The following TNNI3K variants were observed in gnomAD, a reference collection of about 807,000 sequenced individuals.
TNNI3K encodes serine/threonine-protein kinase TNNI3K.
A neutral mutation model predicts 114.5 loss-of-function variants in TNNI3K; 140 were observed. That is an observed-to-expected ratio of 1.22 (90% CI 1.07 to 1.41). The LOEUF is 1.41. TNNI3K is among the 40% of genes most tolerant of loss of function. The pLI is 0.00. For missense variants in TNNI3K, 1,125 were observed against 1,007.6 expected (o/e 1.12, Z -1.58); for synonymous variants, 347 against 347.5 (o/e 1.00, Z 0.02).
chr1:74,276,589 T>C (rs754279717), intron 5 of TNNI3K, among the ~76,000 whole-genome samples: 3 of 152,120 alleles, frequency 2.0e-5, no homozygotes, highest in Non-Finnish European at 4.4e-5. Flanking sequence ...CACTCCTATT[T>C]TTTATTATCA....
At position 74,518,591 on chromosome 1, in the gene TNNI3K, T is replaced by C. The variant is rs374370433; in HGVS notation, c.2352-21643T>C. 5.9e-5 allele frequency among the ~76,000 whole-genome samples: 9 copies of C among 152,254 alleles called. No homozygotes were observed. The East Asian group carries it at 1.4e-3, about 23-fold the overall frequency. ...TACTAATCGTGACGAAGCTTATGGTTCCCGTGTTTCACCTGATGCCTGCCT... is the reference window on the plus strand; with the variant it reads ...TACTAATCGTGACGAAGCTTATGGTCCCCGTGTTTCACCTGATGCCTGCCT... On this transcript the variant is annotated intron_variant, in intron 23 of 24. Coordinates refer to ENST00000326637, the MANE Select transcript of TNNI3K (RefSeq NM_015978.3).
chr1:74,312,364 G>A (rs1659041586), intron 5 of TNNI3K, among the ~76,000 whole-genome samples: 1 of 152,128 alleles, frequency 6.6e-6, no homozygotes, highest in East Asian at 1.9e-4. Context: ...GGCTGGTTTG[G>A]GTCCAGGGCA....
chr1:74,458,646 G>T (rs1046608427), intron 20 of TNNI3K, among the ~76,000 whole-genome samples: 3 of 152,098 alleles, frequency 2.0e-5, no homozygotes, highest in African/African-American at 7.2e-5. Flanking sequence ...GATATTTATT[G>T]CTGTTAAGCT....
chr1:74,373,028 A>G (rs1049336120), intron 17 of TNNI3K: 4 of 151,982 alleles, frequency 2.6e-5, no homozygotes, highest in East Asian at 3.9e-4. Flanking sequence ...ACTATTTTCT[A>G]TCAATCTTTA....
intron 17 of TNNI3K, chr1:74,373,786 C>G (rs2100531410): frequency 6.6e-6 from 1 of 151,810 alleles, no homozygotes; most frequent in South Asian, 2.1e-4. Context: ...GTGGTTGTTG[C>G]AATTGTTTGA....
chr1:74,414,215 A>G (rs1170762817), intron 17 of TNNI3K, among the ~76,000 whole-genome samples: 2 of 152,194 alleles, frequency 1.3e-5, no homozygotes, highest in Non-Finnish European at 2.9e-5. Flanking sequence ...TGGTTAGTTT[A>G]CAATTTTGAT....
chr1:74,262,073 C>A (rs1343121289), intron 4 of TNNI3K, among the ~76,000 whole-genome samples: 3 of 151,656 alleles, frequency 2.0e-5, no homozygotes, highest in East Asian at 1.9e-4. Context: ...TTTTTTCCTC[C>A]TTAGCACATA....
intron 2 of TNNI3K, among the ~76,000 whole-genome samples, chr1:74,245,850 C>T (rs1004561475): frequency 2.0e-5 from 3 of 152,164 alleles, no homozygotes; most frequent in African/African-American, 4.8e-5. Flanking sequence ...TTTTTACCCT[C>T]CTACCCTTCT....
chr1:74,252,897 G>T (rs548787639), intron 4 of TNNI3K, among the ~76,000 whole-genome samples: 1 of 152,196 alleles, frequency 6.6e-6, no homozygotes, highest in Non-Finnish European at 1.5e-5. Context: ...CACCCGAGTG[G>T]GTTGCCACTG....
chr1:74,282,264 C>G (rs933426166), intron 5 of TNNI3K, among the ~76,000 whole-genome samples: 4 of 152,060 alleles, frequency 2.6e-5, no homozygotes, highest in African/African-American at 7.2e-5. Context: ...CATGGCCCAT[C>G]TGCTACTTAT....
chr1:74,419,444 C>A (rs1665287762), intron 17 of TNNI3K, among the ~76,000 whole-genome samples: 1 of 152,100 alleles, frequency 6.6e-6, no homozygotes. Context: ...GGCCACCATT[C>A]AACTTACTAC....
intron 17 of TNNI3K, chr1:74,416,436 G>C: frequency 1.0e-6 from 1 of 961,260 alleles, no homozygotes; most frequent in Non-Finnish European, 1.2e-6. Context: ...GCGTGACATA[G>C]TTTGGGGTGC....
At chr1:74,419,152 T>C (rs1262103062) in intron 17 of TNNI3K, among the ~76,000 whole-genome samples, 1 of 152,034 alleles carries the variant, frequency 6.6e-6, no homozygotes, top group Non-Finnish European at 1.5e-5. Context: ...GTCTAGAGGC[T>C]CTAGGGAAAA....
intron 20 of TNNI3K, among the ~76,000 whole-genome samples, chr1:74,461,562 A>C (rs527318832): frequency 1.3e-5 from 2 of 152,292 alleles, no homozygotes; most frequent in South Asian, 4.1e-4. Context: ...CACATTTAAT[A>C]AGTAGTGACA....
chr1:74,522,387 G>A (rs768904596), intron 23 of TNNI3K, among the ~76,000 whole-genome samples: 56 of 152,050 alleles, frequency 3.7e-4, no homozygotes, highest in Non-Finnish European at 5.4e-4. Flanking sequence ...CAGATTACCC[G>A]TTCCCTAGAC....
intron 4 of TNNI3K, among the ~76,000 whole-genome samples, chr1:74,266,745 A>C (rs1656017020): frequency 6.6e-6 from 1 of 151,996 alleles, no homozygotes; most frequent in Admixed American, 6.6e-5. Context: ...CCATAGCAAT[A>C]ATCACAGAGC....
intron 7 of TNNI3K, among the ~76,000 whole-genome samples, chr1:74,340,797 GC>G: frequency 6.6e-6 from 1 of 152,220 alleles, no homozygotes; most frequent in East Asian, 1.9e-4. Context: ...TTGACTTGTG[GC>G]ATTGACTATC....
At position 74,378,594 on chromosome 1, in the gene TNNI3K, TTATATATA is replaced by T. The variant is rs58113455; in HGVS notation, c.1772+8242_1772+8249del. ...TTTTGTTGTTGTTGTCAGTTTAATTTTATATATATATATATATATATATATATATATAT... is the reference window on the plus strand; with the variant it reads ...TTTTGTTGTTGTTGTCAGTTTAATTTTATATATATATATATATATATATAT... On this transcript the variant is annotated intron_variant, in intron 17 of 24. Transcript: ENST00000326637. 437 of 77,870 alleles carry T rather than the reference TTATATATA, an allele frequency of 5.6e-3. 3 individuals carry two copies. The highest frequency in any genetic ancestry group is 0.027 in the Middle Eastern group (3 of 112). 4.8% of individuals were successfully genotyped at this position (77,870 alleles called of 1,614,324 possible). A position where few individuals can be genotyped will look rare whatever the true frequency, so the allele number is the denominator to read the frequency against.
intron 20 of TNNI3K, among the ~76,000 whole-genome samples, chr1:74,449,928 C>G (rs1289226952): frequency 3.2e-5 from 3 of 93,980 alleles, no homozygotes; most frequent in Non-Finnish European, 6.2e-5. Flanking sequence ...ACAGAACTCT[C>G]CACGCCAAAT....
Sources: allele counts gnomAD v4.1 joint callset (sites outside exome capture counted in the v4.1 genomes callset), GRCh38; gene constraint gnomAD v4.1.1; transcripts MANE v1.5; gene names NCBI Gene and HGNC (gene_info 2026-07-23, HGNC 2026-07-21).